Variants in ZNF335 observed in about 807,000 individuals in gnomAD.
The protein encoded by ZNF335 is NRC-interacting factor 1.
In ZNF335, 84 loss-of-function variants were observed where a neutral mutation model predicts 145.6. That is an observed-to-expected ratio of 0.58 (90% confidence interval 0.48 to 0.69). ZNF335 has a LOEUF of 0.69. ZNF335 is among the 30% of genes least tolerant of loss of function. The pLI is 0.00. For synonymous variants in ZNF335, 761 were observed against 717.0 expected (o/e 1.06, Z -0.98); for missense variants, 1,865 against 1,809.7 (o/e 1.03, Z -0.55).
chr20:45,952,664 G>A lies in ZNF335; in HGVS notation c.2748C>T (p.Asp916=), dbSNP rs2083655954. ...AGTGGGTGCCAGCTTCTTTTAGGGT[G>A]TCACTCACAACCACAGCCTGGGCTG... The part of the protein sequence containing the change: ...GEAAQAVVVS[D]TLKEAGTHYI... The change falls in exon 19 of 28, where the codon GAC becomes GAT. Residue 916 remains aspartate, a synonymous_variant. Transcript: ENST00000322927. 2 of 1,613,716 alleles carry A rather than the reference G, an allele frequency of 1.2e-6. No individual in the cohort carries two copies. The highest frequency in any genetic ancestry group is 1.7e-6 in the Non-Finnish European group (2 of 1,180,032).
chr20:45,970,755 G>GTT (rs5841616), intron 2 of ZNF335, among the ~76,000 whole-genome samples: 5,189 of 127,792 alleles, frequency 0.041, 315 homozygotes, highest in African/African-American at 0.099. Context: ...GGGCACTTGC[G>GTT]TTTTTTTTTT....
At position 45,959,410 on chromosome 20, in the gene ZNF335, AC is replaced by A; in HGVS notation, c.2043del (p.Glu681AspfsTer52). On this transcript the variant is annotated frameshift_variant, in exon 15 of 28. Coordinates refer to ENST00000322927, the MANE Select transcript of ZNF335 (RefSeq NM_022095.4). LOFTEE classifies it high-confidence loss of function. ...TTGTGCCGTGTGCTGAAGTGGCAGT[AC>A]TCACAGGCGAAGGGCTTGGCCCCTG... ...KHTGAKPFACEYCHFSTRHKK... is the reference protein window; with the variant it reads ...KHTGAKPFACXYCHFSTRHKK... 6.7e-7 allele frequency: 1 copy of A among 1,497,232 alleles called. No individual in the cohort carries two copies. The highest frequency in any genetic ancestry group is 9.0e-7 in the Non-Finnish European group (1 of 1,110,038). The allele number at this position is 1,497,232 out of a possible 1,614,324, so 92.7% of individuals were successfully genotyped here.
chr20:45,959,122 T>C, intron 15 of ZNF335, 79 bp downstream of exon 15: 1 of 1,144,128 alleles, frequency 8.7e-7, no homozygotes, highest in Non-Finnish European at 1.2e-6. Context: ...ATTATTTTGT[T>C]GCATCTCAAT....
At chr20:45,969,426 T>C in intron 3 of ZNF335, 25 bp downstream of exon 3, 1 of 1,493,410 alleles carries the variant, frequency 6.7e-7, no homozygotes, top group Non-Finnish European at 9.0e-7. Context: ...GGAAAACCCC[T>C]GTGGGGCTCC....
At chr20:45,957,246 A>G (rs2083745612) in intron 17 of ZNF335, among the ~76,000 whole-genome samples, 1 of 152,142 alleles carries the variant, frequency 6.6e-6, no homozygotes. Context: ...AAGCTAGTTC[A>G]AGCTGTGGGG....
chr20:45,949,734 CCAAGGTAGGT>C (rs2083592908), intron 24 of ZNF335, 56 bp downstream of exon 24: 1 of 1,584,024 alleles, frequency 6.3e-7, no homozygotes, highest in Non-Finnish European at 8.7e-7. Context: ...TCATTCCTCC[CCAAGGTAGGT>C]CTTTGGGAGG....
chr20:45,970,003 T>A (rs1342980180), intron 2 of ZNF335: 2 of 265,664 alleles, frequency 7.5e-6, no homozygotes, highest in Non-Finnish European at 1.5e-5. Context: ...CCTGAAACTC[T>A]TCCCAGCATC....
At chr20:45,954,323 C>G (rs2083687975) in intron 17 of ZNF335, among the ~76,000 whole-genome samples, 1 of 152,184 alleles carries the variant, frequency 6.6e-6, no homozygotes, top group Non-Finnish European at 1.5e-5. Flanking sequence ...GTATCTGCCT[C>G]AACATGCTAA....
At chr20:45,962,814 TG>T (rs772881548) in intron 9 of ZNF335, among the ~76,000 whole-genome samples, 50,289 of 118,602 alleles carry the variant, frequency 0.42, 12,747 homozygotes, top group African/African-American at 0.46. Flanking sequence ...TTTTTTTTTT[TG>T]TTTGTTTGTT....
At chr20:45,965,450 G>A (rs899255551) in intron 7 of ZNF335, among the ~76,000 whole-genome samples, 178 bp downstream of exon 7, 3 of 152,126 alleles carry the variant, frequency 2.0e-5, no homozygotes, top group Non-Finnish European at 4.4e-5. Context: ...CCTGAGTCAG[G>A]GTTTCTTGAG....
chr20:45,965,531 C>A (rs1158788753), intron 7 of ZNF335, 97 bp downstream of exon 7: 2 of 1,436,980 alleles, frequency 1.4e-6, no homozygotes, highest in Admixed American at 5.5e-5. Flanking sequence ...AGCTGCCCTG[C>A]AGGGCACACT....
chr20:45,971,321 G>A lies in ZNF335; in HGVS notation c.90C>T (p.Gly30=). 1 of 1,596,628 alleles carries A rather than the reference G, an allele frequency of 6.3e-7. No individual in the cohort carries two copies. Among genetic ancestry groups the A allele is most frequent in the Non-Finnish European group, 8.5e-7 (1 of 1,178,232 alleles). ...EEPSESGLGV[G]TSEAVSADSS... Reference sequence around the variant, plus strand: ...TGTCGGCGGACACGGCTTCTGAGGTGCCCACACCCAGGCCGCTCTCAGAGG... The same window carrying A: ...TGTCGGCGGACACGGCTTCTGAGGTACCCACACCCAGGCCGCTCTCAGAGG... The change falls in exon 2 of 28, where the codon GGC becomes GGT. Residue 30 remains glycine, a synonymous_variant. Transcript: ENST00000322927.
At position 45,969,494 on chromosome 20, in the gene ZNF335, G is replaced by T. The variant is rs1353445207; in HGVS notation, c.399C>A (p.Ile133=). 6.4e-7 allele frequency: 1 copy of T among 1,566,530 alleles called. No homozygotes were observed. Among genetic ancestry groups the T allele is most frequent in the Non-Finnish European group, 8.7e-7 (1 of 1,145,950 alleles). The part of the protein sequence containing the change: ...TASSSDLGSA[I]DKIIESTIGP... Reference sequence around the variant, plus strand: ...CGATGGTGGACTCGATGATCTTGTCGATGGCCGAGCCCAGGTCCGAGGAGG... The same window carrying T: ...CGATGGTGGACTCGATGATCTTGTCTATGGCCGAGCCCAGGTCCGAGGAGG... The change falls in exon 3 of 28, where the codon ATC becomes ATA. Residue 133 remains isoleucine, a synonymous_variant. Transcript: ENST00000322927.
rs1430626152 is a variant in ZNF335 at position 45,963,935 on chromosome 20, T to C, written c.1158A>G (p.Pro386=). The C allele has an allele frequency of 4.5e-6, 7 of 1,563,242 alleles. No homozygotes were observed. Among genetic ancestry groups the C allele is most frequent in the Non-Finnish European group, 5.2e-6 (6 of 1,154,202 alleles). ...AGGAGCTGGGAGCCTCGGGATCCTGTGGCTCTGGAGGGCTCTGTCCACTCT... is the reference window on the plus strand; with the variant it reads ...AGGAGCTGGGAGCCTCGGGATCCTGCGGCTCTGGAGGGCTCTGTCCACTCT... ...SSQSGQSPPE[P]QDPEAPSSSG... The change falls in exon 8 of 28, where the codon CCA becomes CCG. Residue 386 remains proline, a synonymous_variant. Coordinates refer to ENST00000322927, the MANE Select transcript of ZNF335 (RefSeq NM_022095.4).
chr20:45,953,093 C>T (rs1292453276), intron 18 of ZNF335, among the ~76,000 whole-genome samples: 4 of 152,180 alleles, frequency 2.6e-5, no homozygotes, highest in East Asian at 1.9e-4. Flanking sequence ...TGAGACTGGC[C>T]GCCCAGGTGC....
chr20:45,954,993 A>G (rs569828425), intron 17 of ZNF335, among the ~76,000 whole-genome samples: 2 of 152,096 alleles, frequency 1.3e-5, no homozygotes, highest in East Asian at 3.9e-4. Flanking sequence ...TCCTGGACTC[A>G]AGCAATTCTC....
In ZNF335 at chr20:45,965,746, A is replaced by C. The variant is rs527481050; in HGVS notation, c.984T>G (p.Asp328Glu). ...GCCGAAGCTGCCGGCCTCGGGGCTCATCCTCAGCTGGATTATAGTCGCTAT... is the reference window on the plus strand; with the variant it reads ...GCCGAAGCTGCCGGCCTCGGGGCTCCTCCTCAGCTGGATTATAGTCGCTAT... ...EEDSDYNPAE[D>E]EPRGRQLRLQ... Residue 328 changes from aspartate to glutamate, a missense_variant, in exon 7 of 28, where the codon GAT becomes GAG. Coordinates refer to ENST00000322927, the MANE Select transcript of ZNF335 (RefSeq NM_022095.4). 1 of 1,606,202 alleles carries C rather than the reference A, an allele frequency of 6.2e-7. No individual in the cohort carries two copies. The highest frequency in any genetic ancestry group is 1.7e-5 in the Admixed American group (1 of 59,546).
At position 45,960,065 on chromosome 20, in the gene ZNF335, A is replaced by T. The variant is rs1424434752; in HGVS notation, c.2020+143T>A. On this transcript the variant is annotated intron_variant, in intron 14 of 27. Transcript: ENST00000322927. Reference sequence around the variant, plus strand: ...GGTTAGGGTGAATACGCCTATGGGAAATTCTCTTTACACTTGAAGGACTTG... The same window carrying T: ...GGTTAGGGTGAATACGCCTATGGGATATTCTCTTTACACTTGAAGGACTTG... 6 of 994,358 alleles carry T rather than the reference A, an allele frequency of 6.0e-6. No homozygotes were observed. In the African/African-American group the frequency reaches 9.8e-5, roughly 16 times the overall value. The allele number at this position is 994,358 out of a possible 1,614,324, so 61.6% of individuals were successfully genotyped here.
intron 26 of ZNF335, 37 bp from the exon 27 acceptor site, chr20:45,949,288 A>G: frequency 6.2e-7 from 1 of 1,613,940 alleles, no homozygotes; most frequent in Non-Finnish European, 8.5e-7. Context: ...TGGCCTGGAG[A>G]AACCTGCCTG....
Sources: gnomAD v4.1 joint callset for allele counts (sites outside exome capture counted in the v4.1 genomes callset) on GRCh38, gnomAD v4.1.1 for gene constraint, MANE v1.5 for transcripts, NCBI Gene and HGNC (gene_info 2026-07-23, HGNC 2026-07-21) for gene names.